The following CDC42BPB variants were observed in gnomAD, a reference collection of about 807,000 sequenced individuals.
CDC42BPB encodes CDC42 binding protein kinase beta.
CDC42BPB carries 37 observed loss-of-function variants against 214.9 expected under a neutral mutation model. The observed-to-expected ratio is 0.17, with a 90% CI of 0.13 to 0.23. The LOEUF (loss-of-function observed/expected upper bound fraction) is 0.23, where lower values mean the gene tolerates loss of function less well. CDC42BPB is among the 10% of genes least tolerant of loss of function. The probability of loss-of-function intolerance (pLI) is 1.00; values close to 1 mark genes in which losing one functional copy is unlikely to be tolerated. For synonymous variants in CDC42BPB, 931 were observed against 884.0 expected (o/e 1.05, Z -0.94); for missense variants, 1,694 against 2,227.0 (o/e 0.76, Z 4.82).
At chr14:102,959,568 T>C (rs1272053573) in intron 21 of CDC42BPB, 63 bp downstream of exon 21, 3 of 1,135,744 alleles carry the variant, frequency 2.6e-6, no homozygotes, top group Non-Finnish European at 3.9e-6. Context: ...TAAAATCATA[T>C]ATGACACTAT....
intron 5 of CDC42BPB, among the ~76,000 whole-genome samples, chr14:102,991,665 G>A (rs1331497216): frequency 6.6e-6 from 1 of 152,186 alleles, no homozygotes; most frequent in Non-Finnish European, 1.5e-5. Context: ...CATGTGGAGA[G>A]GGAGGGGGAT....
At chr14:102,950,261 G>C (rs561165203) in intron 25 of CDC42BPB, among the ~76,000 whole-genome samples, 2 of 152,242 alleles carry the variant, frequency 1.3e-5, no homozygotes, top group African/African-American at 2.4e-5. Context: ...GAGCGTCTGC[G>C]TGGAGGCCTC....
intron 9 of CDC42BPB, among the ~76,000 whole-genome samples, chr14:102,977,898 C>A (rs968646579): frequency 6.6e-6 from 1 of 152,194 alleles, no homozygotes; most frequent in Non-Finnish European, 1.5e-5. Flanking sequence ...GAATTCTTTA[C>A]GACCTGGATA....
At chr14:103,036,431 A>G (rs1490431132) in intron 1 of CDC42BPB, among the ~76,000 whole-genome samples, 1 of 152,144 alleles carries the variant, frequency 6.6e-6, no homozygotes, top group East Asian at 1.9e-4. Flanking sequence ...CTGGGATTAT[A>G]GGCGTGAGCC....
chr14:103,035,946 G>C, intron 1 of CDC42BPB, among the ~76,000 whole-genome samples: 1 of 151,942 alleles, frequency 6.6e-6, no homozygotes, highest in East Asian at 1.9e-4. Flanking sequence ...TAGCTCAGGA[G>C]TTCGAAACCA....
Position 103,001,679 on chromosome 14 carries a change from C to T in CDC42BPB, c.448-1966G>A, listed in dbSNP as rs966293394. Among the ~76,000 whole-genome samples, 6 of 152,172 alleles carry T rather than the reference C, an allele frequency of 3.9e-5. No homozygotes were observed. Among genetic ancestry groups the T allele is most frequent in the African/African-American group, 1.4e-4 (6 of 41,440 alleles). ...CAGAGGGGGCGGTGGATGCACACTG[C>T]AGGCATTCCAGAGGGAGCGGCCCCG... On this transcript the variant is annotated intron_variant, in intron 4 of 36. Transcript: ENST00000361246. This position sits in a 1 kb window ranked among gnomAD's most constrained non-coding sequence, Gnocchi z 5.8.
At chr14:102,952,787 C>T (rs548694414) in intron 23 of CDC42BPB, 184 bp from the exon 24 acceptor site, 33 of 943,174 alleles carry the variant, frequency 3.5e-5, no homozygotes, top group East Asian at 2.3e-4. Flanking sequence ...AAACCACCTA[C>T]GAGCCTGAGC....
Position 103,041,556 on chromosome 14 carries a change from G to A in CDC42BPB, c.175+15443C>T, listed in dbSNP as rs1001212918. On this transcript the variant is annotated intron_variant, in intron 1 of 36. Coordinates refer to ENST00000361246, the MANE Select transcript of CDC42BPB (RefSeq NM_006035.4). ...GCCACATGGTTCAACCAGCCGGCCC[G>A]AAGATCCGCAGATGCAAGGCCGGGC... 3.7e-5 allele frequency: 48 copies of A among 1,313,302 alleles called. No homozygotes were observed. The African/African-American group carries it at 4.0e-4, about 11-fold the overall frequency. 81.4% of individuals were successfully genotyped at this position (1,313,302 alleles called of 1,614,324 possible).
rs116160661 is a variant in CDC42BPB, at chr14:102,964,408, C to T, written c.2726+94G>A. Reference sequence around the variant, plus strand: ...AGCAAACGCCGTGGCCCCGATTTTCCAGGCGAGGAGCATCGGAGCCCGTGA... The same window carrying T: ...AGCAAACGCCGTGGCCCCGATTTTCTAGGCGAGGAGCATCGGAGCCCGTGA... On this transcript the variant is annotated intron_variant, in intron 19 of 36. Coordinates refer to ENST00000361246, the MANE Select transcript of CDC42BPB (RefSeq NM_006035.4). 2,926 of 1,466,810 alleles carry T rather than the reference C, an allele frequency of 2.0e-3. 64 individuals are homozygous for T. The African/African-American group carries it at 0.036, about 18-fold the overall frequency. The allele number at this position is 1,466,810 out of a possible 1,614,324, so 90.9% of individuals were successfully genotyped here.
intron 1 of CDC42BPB, among the ~76,000 whole-genome samples, chr14:103,051,833 T>C (rs551589926): frequency 6.6e-6 from 1 of 151,770 alleles, no homozygotes; most frequent in Admixed American, 6.5e-5. Flanking sequence ...CCAACTGTCA[T>C]GGAAGGAAGA....
At chr14:102,947,056 CT>C (rs1417149007) in intron 27 of CDC42BPB, among the ~76,000 whole-genome samples, 1 of 152,256 alleles carries the variant, frequency 6.6e-6, no homozygotes, top group Non-Finnish European at 1.5e-5. Context: ...TCATGCCTCC[CT>C]GTGAGCAGCC....
intron 5 of CDC42BPB, among the ~76,000 whole-genome samples, chr14:102,997,824 A>G (rs1894810184): frequency 6.6e-6 from 1 of 152,262 alleles, no homozygotes; most frequent in Non-Finnish European, 1.5e-5. Context: ...ACCATAGCTG[A>G]AAGGATGGAT....
chr14:102,940,077 T>C lies in CDC42BPB; in HGVS notation c.4560A>G (p.Pro1520=), dbSNP rs758162059. ...GTLNLLNCEP[P]RLIYFKSKFS... is the part of the protein sequence containing the mutation. Reference sequence around the variant, plus strand: ...ACTTGCTCTTGAAGTAGATCAAGCGTGGAGGCTCGCAGTTGAGGAGGTTGA... The same window carrying C: ...ACTTGCTCTTGAAGTAGATCAAGCGCGGAGGCTCGCAGTTGAGGAGGTTGA... The change falls in exon 32 of 37, where the codon CCA becomes CCG. Residue 1520 remains proline (P), a synonymous_variant. Transcript: ENST00000361246. 1.2e-6 allele frequency: 2 copies of C among 1,613,596 alleles called. No homozygotes were observed. The highest frequency in any genetic ancestry group is 2.7e-5 in the African/African-American group (2 of 74,854).
At chr14:102,990,766 C>G (rs1237141815) in intron 5 of CDC42BPB, among the ~76,000 whole-genome samples, 1 of 152,078 alleles carries the variant, frequency 6.6e-6, no homozygotes, top group Non-Finnish European at 1.5e-5. Flanking sequence ...AGGGCATCCT[C>G]AAAAAGTGAA....
chr14:103,003,545 G>A (rs1297855581), intron 4 of CDC42BPB, among the ~76,000 whole-genome samples: 1 of 152,240 alleles, frequency 6.6e-6, no homozygotes, highest in Non-Finnish European at 1.5e-5. Context: ...AGGCCCACGA[G>A]AGGCACTCCC....
chr14:103,055,974 C>T (rs1410449100), intron 1 of CDC42BPB, among the ~76,000 whole-genome samples: 1 of 152,224 alleles, frequency 6.6e-6, no homozygotes, highest in Non-Finnish European at 1.5e-5. Flanking sequence ...CCTCCTCCTA[C>T]TCAGTGGTTT....
chr14:102,996,687 C>CT (rs1894751579), intron 5 of CDC42BPB, among the ~76,000 whole-genome samples: 1 of 151,424 alleles, frequency 6.6e-6, no homozygotes, highest in South Asian at 2.1e-4. Flanking sequence ...TGGTGCATGC[C>CT]TGTAATCCTA....
At chr14:103,025,288 T>A (rs951039989) in intron 1 of CDC42BPB, among the ~76,000 whole-genome samples, 52 of 152,020 alleles carry the variant, frequency 3.4e-4, no homozygotes, top group African/African-American at 1.2e-3. Context: ...CCAATTGCAC[T>A]TGGATCGCTT....
Position 103,003,931 on chromosome 14 carries a change from G to C in CDC42BPB, c.444C>G (p.His148Gln), listed in dbSNP as rs1895111739. The change falls in exon 4 of 37, where the codon CAC (histidine) becomes CAG (glutamine). Residue 148 changes from histidine to glutamine, a missense_variant. Physicochemically the swap from His to Gln is conservative, Grantham distance 24. Around this residue, in one of 7 missense-constraint regions of CDC42BPB, gnomAD observed 225 missense variants for 459.3 expected, o/e 0.49. Transcript: ENST00000361246. ...ALHYAFQDEN[H>Q]LYLVMDYYVG... ...AGTCTCTGGCTGTGCGACCTACCAG[G>C]TGGTTCTCGTCCTGAAAGGCGTAGT... 1 of 1,607,948 alleles carries C rather than the reference G, an allele frequency of 6.2e-7. No homozygotes were observed. The highest frequency in any genetic ancestry group is 8.5e-7 in the Non-Finnish European group (1 of 1,175,506).
Sources: allele counts gnomAD v4.1 joint callset (sites outside exome capture counted in the v4.1 genomes callset), GRCh38; gene constraint gnomAD v4.1.1; regional missense constraint gnomAD v4.1.1; non-coding constraint Gnocchi (gnomAD v3.1); transcripts MANE v1.5; gene names NCBI Gene and HGNC (gene_info 2026-07-23, HGNC 2026-07-21).